The following CLASRP variants were observed in gnomAD, a reference collection of about 807,000 sequenced individuals.
The protein encoded by CLASRP is CLK4 associating serine/arginine rich protein.
In CLASRP, 52 loss-of-function variants were observed where a neutral mutation model predicts 99.9. The ratio of observed to expected loss-of-function variants is 0.52; its 90% CI spans 0.42 to 0.66. The LOEUF (loss-of-function observed/expected upper bound fraction) is 0.66. Ranked by LOEUF, CLASRP falls within the 30% of genes least tolerant of loss-of-function variation. The probability of loss-of-function intolerance (pLI) is 0.00; values close to 1 mark genes in which losing one functional copy is unlikely to be tolerated. For missense variants in CLASRP, 848 were observed against 999.2 expected (o/e 0.85, Z 2.04); for synonymous variants, 379 against 373.0 (o/e 1.02, Z -0.18).
Position 45,057,863 on chromosome 19 carries a change from G to A in CLASRP, c.578G>A (p.Ser193Asn), listed in dbSNP as rs1972150489. 2 of 1,613,910 alleles carry A rather than the reference G, an allele frequency of 1.2e-6. No homozygotes were observed. Among genetic ancestry groups the A allele is most frequent in the African/African-American group, 2.7e-5 (2 of 74,906 alleles). ...EEEESAAEEE[S>N]NSDEDEVIPD... The stretch of plus-strand genomic sequence containing the variant: ...GAGGAGTCAGCGGCCGAGGAGGAGA[G>A]CAACTCGGACGAAGATGAGGTCATC... The change falls in exon 7 of 21, where the codon AGC becomes AAC. Residue 193 changes from serine to asparagine, a missense_variant. This residue lies in a region of CLASRP where 119 missense variants were observed against 170.2 expected (regional missense o/e 0.70). Transcript: ENST00000221455.
intron 2 of CLASRP, 52 bp from the exon 3 acceptor site, chr19:45,052,018 GT>G: frequency 2.2e-6 from 3 of 1,393,774 alleles, no homozygotes; most frequent in Non-Finnish European, 2.0e-6. Flanking sequence ...GTGTGAGGGG[GT>G]GGGGTTTGGA....
In CLASRP at chr19:45,057,915, G is replaced by A; in HGVS notation, c.613+17G>A. The A allele has an allele frequency of 1.2e-6, 2 of 1,613,144 alleles. No homozygotes were observed. Among genetic ancestry groups the A allele is most frequent in the Non-Finnish European group, 1.7e-6 (2 of 1,179,826 alleles). ...CCGACATCGGTGGGGTCCCCTCTCT[G>A]CCCTCCCCACCTGCAGTCCCTGGGC... On this transcript the variant is annotated intron_variant, in intron 7 of 20. Coordinates refer to ENST00000221455, the MANE Select transcript of CLASRP (RefSeq NM_007056.3).
chr19:45,044,563 G>A (rs1423434432), intron 2 of CLASRP, among the ~76,000 whole-genome samples: 1 of 152,010 alleles, frequency 6.6e-6, no homozygotes, highest in Non-Finnish European at 1.5e-5. Context: ...AGAAATAGAG[G>A]TTCAAAAAGA....
chr19:45,040,397 T>G (rs556106231), intron 2 of CLASRP, 86 bp downstream of exon 2: 1 of 882,344 alleles, frequency 1.1e-6, no homozygotes, highest in Non-Finnish European at 1.8e-6. Flanking sequence ...GGCTTGGAAG[T>G]ATGTCAAGAC....
intron 5 of CLASRP, among the ~76,000 whole-genome samples, chr19:45,053,559 A>G (rs1434674252): frequency 1.3e-5 from 2 of 151,960 alleles, no homozygotes; most frequent in African/African-American, 4.8e-5. Context: ...GCTCACTGCA[A>G]CCTCTGCCTC....
At chr19:45,044,933 C>T (rs999669814) in intron 2 of CLASRP, among the ~76,000 whole-genome samples, 2 of 152,230 alleles carry the variant, frequency 1.3e-5, no homozygotes, top group Non-Finnish European at 2.9e-5. Flanking sequence ...CCCATTTCCT[C>T]TTCCACATGT....
chr19:45,064,252 C>T, intron 12 of CLASRP, 25 bp downstream of exon 12: 1 of 1,556,306 alleles, frequency 6.4e-7, no homozygotes, highest in Non-Finnish European at 8.7e-7. Context: ...CGCCGCCCGC[C>T]CTACGCCCCG....
chr19:45,067,700 G>C lies in CLASRP; in HGVS notation c.1667+106G>C. 1.8e-6 allele frequency: 2 copies of C among 1,097,200 alleles called. No individual in the cohort carries two copies. Among genetic ancestry groups the C allele is most frequent in the Non-Finnish European group, 2.6e-6 (2 of 775,688 alleles). The allele number at this position is 1,097,200 out of a possible 1,614,324, so 68.0% of individuals were successfully genotyped here. Reference sequence around the variant, plus strand: ...AACTTAGCCCTACCCTGGGAGGTCTGGGGGGTGGTGTATGGCCCTGGCCTG... The same window carrying C: ...AACTTAGCCCTACCCTGGGAGGTCTCGGGGGTGGTGTATGGCCCTGGCCTG... On this transcript the variant is annotated intron_variant, in intron 14 of 20. Transcript: ENST00000221455. This position sits in a 1 kb window ranked among gnomAD's most constrained non-coding sequence, Gnocchi z 4.9.
Position 45,062,144 on chromosome 19 carries a change from T to A in CLASRP, c.864-10T>A, listed in dbSNP as rs1966954092. ...CCCTAATTTGTCCCACCCCATTCTT[T>A]TCTCTGTAGCTATGCCCGCCGAGAC... On this transcript the variant is annotated splice_polypyrimidine_tract_variant and intron_variant, in intron 10 of 20. Transcript: ENST00000221455. The A allele has an allele frequency of 6.6e-7, 1 of 1,504,648 alleles. No individual in the cohort carries two copies. Among genetic ancestry groups the A allele is most frequent in the Non-Finnish European group, 9.3e-7 (1 of 1,080,750 alleles). 93.2% of individuals were successfully genotyped at this position (1,504,648 alleles called of 1,614,324 possible).
intron 1 of CLASRP, chr19:45,039,960 CAG>C: frequency 5.4e-6 from 2 of 373,812 alleles, no homozygotes; most frequent in South Asian, 6.0e-5. Flanking sequence ...ATGCTCACCT[CAG>C]AATCACCTGA....
intron 2 of CLASRP, 68 bp from the exon 3 acceptor site, chr19:45,052,003 G>A: frequency 8.1e-7 from 1 of 1,238,426 alleles, no homozygotes; most frequent in Non-Finnish European, 1.2e-6. Flanking sequence ...GCTAAGCTCG[G>A]TTGTGTGTGA....
chr19:45,068,196 C>A, intron 15 of CLASRP, 142 bp downstream of exon 15: 1 of 729,818 alleles, frequency 1.4e-6, no homozygotes, highest in South Asian at 1.6e-5. Flanking sequence ...AGGGTCTGCC[C>A]CTGTGAGAAC....
Position 45,067,895 on chromosome 19 carries a change from G to A in CLASRP, c.1668-120G>A, listed in dbSNP as rs1243207507. The stretch of plus-strand genomic sequence containing the variant: ...TCTGAGAGGGACATGGTTGCACCCT[G>A]GGGCATCTGAGGCCCATGCCTTGGC... On this transcript the variant is annotated intron_variant, in intron 14 of 20. Coordinates refer to ENST00000221455, the MANE Select transcript of CLASRP (RefSeq NM_007056.3). This position sits in a 1 kb window ranked among gnomAD's most constrained non-coding sequence, Gnocchi z 4.9. The A allele has an allele frequency of 2.5e-6, 2 of 789,454 alleles. No homozygotes were observed. The highest frequency in any genetic ancestry group is 4.5e-6 in the Non-Finnish European group (2 of 447,352). The allele number at this position is 789,454 out of a possible 1,614,324, so 48.9% of individuals were successfully genotyped here.
chr19:45,041,496 TG>T (rs1971813354), intron 2 of CLASRP, among the ~76,000 whole-genome samples: 1 of 152,176 alleles, frequency 6.6e-6, no homozygotes, highest in Admixed American at 6.6e-5. Context: ...CAGCTTGAAA[TG>T]GCACCTGTTT....
rs746950472 is a variant in CLASRP, at chr19:45,056,491, T to C, written c.421T>C (p.Leu141=). The C allele has an allele frequency of 6.2e-7, 1 of 1,613,854 alleles. No individual in the cohort carries two copies. The highest frequency in any genetic ancestry group is 8.5e-7 in the Non-Finnish European group (1 of 1,179,964). The change falls in exon 6 of 21, where the codon TTG becomes CTG. Residue 141 remains leucine (L), a synonymous_variant. Coordinates refer to ENST00000221455, the MANE Select transcript of CLASRP (RefSeq NM_007056.3). ...CCTGTACCAGATCTACATTGATGAG[T>C]TGTACGGAGGCCTCCAGAGACCCAG... ...QCLYQIYIDE[L]YGGLQRPSED...
At position 45,064,240 on chromosome 19, in the gene CLASRP, C is replaced by A. The variant is rs769704567; in HGVS notation, c.1121+13C>A. 27 of 1,572,066 alleles carry A rather than the reference C, an allele frequency of 1.7e-5. No individual in the cohort carries two copies. Among genetic ancestry groups the A allele is most frequent in the Non-Finnish European group, 2.3e-5 (27 of 1,161,126 alleles). On this transcript the variant is annotated intron_variant, in intron 12 of 20. Coordinates refer to ENST00000221455, the MANE Select transcript of CLASRP (RefSeq NM_007056.3). Reference sequence around the variant, plus strand: ...ATGCCAGCGCCCGGTCGGTAACGCTCACGCCGCCCGCCCTACGCCCCGGTC... The same window carrying A: ...ATGCCAGCGCCCGGTCGGTAACGCTAACGCCGCCCGCCCTACGCCCCGGTC...
chr19:45,052,453 G>A (rs1241078199), intron 3 of CLASRP, among the ~76,000 whole-genome samples: 1 of 152,172 alleles, frequency 6.6e-6, no homozygotes, highest in South Asian at 2.1e-4. Context: ...TGCCAGACCC[G>A]AGCTGGCTCA....
At chr19:45,068,326 C>CCCCCCCCCCCAAA in intron 15 of CLASRP, 94 bp from the exon 16 acceptor site, 1 of 630,494 alleles carries the variant, frequency 1.6e-6, no homozygotes, top group Non-Finnish European at 2.9e-6. Context: ...CCCCCACCCC[C>CCCCCCCCCCCAAA]CCCCCGCACA....
intron 10 of CLASRP, among the ~76,000 whole-genome samples, chr19:45,061,509 C>CA (rs1171648237): frequency 1.3e-5 from 2 of 152,044 alleles, no homozygotes; most frequent in Non-Finnish European, 2.9e-5. Flanking sequence ...TATTCTGTCA[C>CA]CCAGGCTGGA....
Sources: allele counts gnomAD v4.1 joint callset (sites outside exome capture counted in the v4.1 genomes callset), GRCh38; gene constraint gnomAD v4.1.1; regional missense constraint gnomAD v4.1.1; non-coding constraint Gnocchi (gnomAD v3.1); transcripts MANE v1.5; gene names NCBI Gene and HGNC (gene_info 2026-07-23, HGNC 2026-07-21).